Variants in TTC7A observed in about 807,000 individuals in gnomAD.
TTC7A encodes the protein tetratricopeptide repeat domain 7A, also known as tetratricopeptide repeat protein 7A.
TTC7A carries 110 observed loss-of-function variants against 103.7 expected under a neutral mutation model. The ratio of observed to expected loss-of-function variants is 1.06; its 90% CI spans 0.91 to 1.24. The LOEUF is 1.24. Ranked by LOEUF, TTC7A falls within the 50% of genes most tolerant of loss-of-function variation. The probability of loss-of-function intolerance (pLI) is 0.00; values close to 1 mark genes in which losing one functional copy is unlikely to be tolerated. For missense variants in TTC7A, 1,340 were observed against 1,116.3 expected (o/e 1.20, Z -2.86); for synonymous variants, 521 against 467.9 (o/e 1.11, Z -1.47).
At chr2:46,971,839 G>T (rs775639274) in intron 3 of TTC7A, among the ~76,000 whole-genome samples, 2 of 152,002 alleles carry the variant, frequency 1.3e-5, no homozygotes, top group Non-Finnish European at 2.9e-5. Context: ...ACAAAGATGG[G>T]ACAGACATTG....
intron 12 of TTC7A, among the ~76,000 whole-genome samples, chr2:47,022,950 T>C (rs1679458600): frequency 6.6e-6 from 1 of 152,076 alleles, no homozygotes; most frequent in African/African-American, 2.4e-5. Flanking sequence ...CCTTCCTGGG[T>C]AGTTAGTTAA....
Position 46,934,798 on chromosome 2 carries a change from T to C in TTC7A, c.83-15565T>C, listed in dbSNP as rs1436384326. On this transcript the variant is annotated intron_variant, in intron 2 of 20. Transcript: ENST00000409245. ...TGAAGACTACTGCTCTTTTTTTTTT[T>C]TTTTTTTTTTTTTTTTTTTTTGAGA... 1.3e-4 allele frequency among the ~76,000 whole-genome samples: 15 copies of C among 116,796 alleles called. No individual in the cohort carries two copies. In the East Asian group the frequency reaches 1.5e-3, roughly 12 times the overall value. 76.6% of individuals were successfully genotyped at this position (116,796 alleles called of 152,430 possible).
At chr2:46,959,349 G>A (rs1357280758) in intron 3 of TTC7A, among the ~76,000 whole-genome samples, 1 of 152,218 alleles carries the variant, frequency 6.6e-6, no homozygotes, top group African/African-American at 2.4e-5. Flanking sequence ...CTCCTTGGCA[G>A]ACTATTAGGC....
intron 4 of TTC7A, among the ~76,000 whole-genome samples, chr2:46,976,162 A>G (rs1673857740): frequency 6.6e-6 from 1 of 152,250 alleles, no homozygotes; most frequent in Non-Finnish European, 1.5e-5. Flanking sequence ...TTTGTGTCAG[A>G]CACAGCTCCA....
rs1262095445 is a variant in TTC7A, at chr2:47,074,324, C to T, written c.*401C>T. On this transcript the variant is annotated 3_prime_UTR_variant, in exon 20 of 20. Coordinates refer to ENST00000319190, the MANE Select transcript of TTC7A (RefSeq NM_020458.4). ...GATCTCTCTCAGGTCTTGCCCAGGG[C>T]GGTCACAATGTGAAGAAACTGCGGG... The T allele has an allele frequency of 2.2e-5, 4 of 178,754 alleles. No homozygotes were observed. Among genetic ancestry groups the T allele is most frequent in the African/African-American group, 7.1e-5 (3 of 42,274 alleles). The allele number at this position is 178,754 out of a possible 1,614,324, so 11.1% of individuals were successfully genotyped here.
chr2:46,956,926 C>A lies in TTC7A; in HGVS notation c.436C>A (p.Arg146=), dbSNP rs138592761. The A allele has an allele frequency of 1.2e-6, 2 of 1,614,166 alleles. No individual in the cohort carries two copies. The highest frequency in any genetic ancestry group is 1.7e-5 in the Admixed American group (1 of 60,018). The part of the protein sequence containing the change: ...SYRDAISMYA[R]AGIDDMSMEN... Reference sequence around the variant, plus strand: ...CCGAGATGCCATCAGCATGTACGCACGGGCCGGGATTGATGACATGTCCAT... The same window carrying A: ...CCGAGATGCCATCAGCATGTACGCAAGGGCCGGGATTGATGACATGTCCAT... The change falls in exon 3 of 20, where the codon CGG becomes AGG. Residue 146 remains arginine, a synonymous_variant. Transcript: ENST00000319190.
At chr2:46,959,411 A>G (rs951108222) in intron 3 of TTC7A, among the ~76,000 whole-genome samples, 1 of 151,800 alleles carries the variant, frequency 6.6e-6, no homozygotes, top group Non-Finnish European at 1.5e-5. Context: ...TCTGTTTGGT[A>G]CTCTCAGGGG....
chr2:46,940,332 C>T (rs925229225), upstream of TTC7A, among the ~76,000 whole-genome samples: 4 of 152,134 alleles, frequency 2.6e-5, no homozygotes, highest in African/African-American at 9.7e-5. The surrounding 1 kb of genome is among the most constrained non-coding windows in gnomAD (Gnocchi z 4.7). Context: ...ACTTAAATGC[C>T]GGTGGTTTTT....
At chr2:47,072,368 A>G (rs1684822036) in intron 19 of TTC7A, among the ~76,000 whole-genome samples, 1 of 152,142 alleles carries the variant, frequency 6.6e-6, no homozygotes, top group Admixed American at 6.5e-5. Context: ...CCTGGCCGCA[A>G]GATCTCCAGC....
chr2:47,067,271 G>C (rs1212503447), intron 19 of TTC7A, among the ~76,000 whole-genome samples: 2 of 152,246 alleles, frequency 1.3e-5, no homozygotes, highest in Non-Finnish European at 2.9e-5. Flanking sequence ...TCAAGGAGCA[G>C]TTTTAGGGCT....
intron 11 of TTC7A, 72 bp from the exon 12 acceptor site, chr2:47,021,790 G>T (rs1447002462): frequency 1.7e-6 from 2 of 1,201,988 alleles, no homozygotes; most frequent in Non-Finnish European, 2.5e-6. Context: ...TCGGGAACAG[G>T]TCCAGGGAGT....
chr2:47,009,916 GA>G (rs1677856295), intron 10 of TTC7A, among the ~76,000 whole-genome samples: 1 of 133,434 alleles, frequency 7.5e-6, no homozygotes, highest in African/African-American at 2.7e-5. Flanking sequence ...TGGTGGGGGG[GA>G]CAGGGGAGGG....
At chr2:46,920,304 T>C (rs1434699076) in intron 2 of TTC7A, among the ~76,000 whole-genome samples, 1 of 152,146 alleles carries the variant, frequency 6.6e-6, no homozygotes, top group African/African-American at 2.4e-5. Flanking sequence ...TGACATTAGT[T>C]ATTCTAGATA....
intron 18 of TTC7A, among the ~76,000 whole-genome samples, chr2:47,058,356 G>T (rs1421544848): frequency 6.6e-6 from 1 of 152,216 alleles, no homozygotes; most frequent in African/African-American, 2.4e-5. Context: ...AGGCTACTCG[G>T]GTTGCACAAT....
At chr2:47,031,153 GAA>G (rs931624577) in intron 15 of TTC7A, among the ~76,000 whole-genome samples, 4 of 152,166 alleles carry the variant, frequency 2.6e-5, no homozygotes, top group African/African-American at 7.2e-5. Context: ...TCTCAAAAAA[GAA>G]AGAGAGAGAG....
chr2:47,011,729 A>G (rs1235993294), intron 11 of TTC7A, among the ~76,000 whole-genome samples: 1 of 152,240 alleles, frequency 6.6e-6, no homozygotes, highest in Non-Finnish European at 1.5e-5. Flanking sequence ...GCAGCAGAGT[A>G]GTAGGTAAGA....
At chr2:47,001,303 A>G (rs917185815) in intron 8 of TTC7A, among the ~76,000 whole-genome samples, 1 of 152,132 alleles carries the variant, frequency 6.6e-6, no homozygotes, top group African/African-American at 2.4e-5. Flanking sequence ...CTAGTCTTGT[A>G]TCTTACTAGG....
chr2:47,059,772 A>C (rs1290204269), intron 18 of TTC7A, among the ~76,000 whole-genome samples: 3 of 152,138 alleles, frequency 2.0e-5, no homozygotes, highest in Non-Finnish European at 4.4e-5. Context: ...GCCCAGTGCA[A>C]ACCCTGTCTT....
At chr2:46,917,830 A>G (rs943447804) in intron 2 of TTC7A, among the ~76,000 whole-genome samples, 32 of 152,132 alleles carry the variant, frequency 2.1e-4, no homozygotes, top group African/African-American at 7.0e-4. Context: ...CTCACTTAGA[A>G]ACACTTTCTT....
Sources: allele counts gnomAD v4.1 joint callset (sites outside exome capture counted in the v4.1 genomes callset), GRCh38; gene constraint gnomAD v4.1.1; non-coding constraint Gnocchi (gnomAD v3.1); transcripts MANE v1.5; gene names NCBI Gene and HGNC (gene_info 2026-07-23, HGNC 2026-07-21).